Variants in C1QTNF7 observed in about 807,000 individuals in gnomAD.
The protein encoded by C1QTNF7 is C1q and TNF related 7.
Under a neutral mutation model 19.6 loss-of-function variants are expected in C1QTNF7, and 15 were observed. The observed-to-expected ratio is 0.76, with a 90% CI of 0.51 to 1.18. C1QTNF7 has a LOEUF of 1.18. C1QTNF7 is among the 50% of genes most tolerant of loss of function. C1QTNF7 has a pLI of 0.00. For synonymous variants in C1QTNF7, 142 were observed against 137.5 expected, an observed-to-expected ratio of 1.03 and a Z score of -0.23; for missense variants, 324 against 359.7, an observed-to-expected ratio of 0.90 and a Z score of 0.80.
At chr4:15,349,138 T>C (rs1341585005) in intron 1 of C1QTNF7, among the ~76,000 whole-genome samples, 1 of 152,192 alleles carries the variant, frequency 6.6e-6, no homozygotes, top group African/African-American at 2.4e-5. Flanking sequence ...ACACAGGACT[T>C]GAGGAGGAAA....
At chr4:15,439,182 A>T (rs1430491144) in intron 2 of C1QTNF7, among the ~76,000 whole-genome samples, 2 of 152,354 alleles carry the variant, frequency 1.3e-5, no homozygotes, top group African/African-American at 4.8e-5. Context: ...GAACCTAAGC[A>T]TGTGAGCAAA....
intron 1 of C1QTNF7, among the ~76,000 whole-genome samples, chr4:15,354,850 G>A (rs1005400724): frequency 1.3e-5 from 2 of 152,048 alleles, no homozygotes; most frequent in African/African-American, 4.8e-5. Flanking sequence ...CAACAGAATG[G>A]GAAGGGTTCA....
chr4:15,340,186 A>G (rs1577222215), exon 1 of C1QTNF7: 1 of 1,551,666 alleles, frequency 6.4e-7, no homozygotes, highest in Middle Eastern at 1.7e-4. Flanking sequence ...GGAAAGTTTG[A>G]TATCAGCAAT....
At chr4:15,378,751 A>C (rs1718036584) in intron 1 of C1QTNF7, among the ~76,000 whole-genome samples, 1 of 152,158 alleles carries the variant, frequency 6.6e-6, no homozygotes, top group Non-Finnish European at 1.5e-5. Context: ...AAGTCAGTCA[A>C]TCCAACACTC....
intron 1 of C1QTNF7, among the ~76,000 whole-genome samples, chr4:15,340,506 G>T (rs1716501628): frequency 6.6e-6 from 1 of 152,082 alleles, no homozygotes; most frequent in South Asian, 2.1e-4. Flanking sequence ...CTTAGCATTT[G>T]TCAGTGTGGT....
At chr4:15,341,827 T>G (rs1043136196) in intron 1 of C1QTNF7, among the ~76,000 whole-genome samples, 1 of 152,154 alleles carries the variant, frequency 6.6e-6, no homozygotes, top group Non-Finnish European at 1.5e-5. Context: ...GGCCAGCGTT[T>G]GCATGGCGCC....
intron 1 of C1QTNF7, among the ~76,000 whole-genome samples, chr4:15,399,697 T>C (rs958680364): frequency 2.0e-5 from 3 of 152,206 alleles, no homozygotes; most frequent in Non-Finnish European, 4.4e-5. Context: ...AATTTGACTA[T>C]CACCTCCTTA....
chr4:15,396,838 T>C (rs144279091), intron 1 of C1QTNF7, among the ~76,000 whole-genome samples: 1 of 152,212 alleles, frequency 6.6e-6, no homozygotes, highest in East Asian at 1.9e-4. Context: ...TTTCCTGTAG[T>C]TCCAGAGAAA....
chr4:15,341,968 G>T (rs992720931), intron 1 of C1QTNF7, among the ~76,000 whole-genome samples: 6 of 152,232 alleles, frequency 3.9e-5, no homozygotes, highest in African/African-American at 1.4e-4. Context: ...AGTCAGGCCC[G>T]CCAGGCCCCA....
intron 1 of C1QTNF7, among the ~76,000 whole-genome samples, chr4:15,343,229 G>T (rs980411977): frequency 2.0e-5 from 3 of 152,182 alleles, no homozygotes; most frequent in African/African-American, 7.2e-5. Flanking sequence ...CACTTTTTCT[G>T]AAGTATCACA....
intron 1 of C1QTNF7, among the ~76,000 whole-genome samples, chr4:15,384,371 A>G (rs1173560151): frequency 6.6e-6 from 1 of 152,214 alleles, no homozygotes; most frequent in Non-Finnish European, 1.5e-5. Context: ...GACACCATGC[A>G]TATATTTTGC....
At chr4:15,430,150 G>A (rs1400274270) in intron 1 of C1QTNF7, among the ~76,000 whole-genome samples, 3 of 152,106 alleles carry the variant, frequency 2.0e-5, no homozygotes, top group African/African-American at 7.2e-5. Flanking sequence ...TGAACATGGA[G>A]CCTCTTGAAT....
intron 1 of C1QTNF7, among the ~76,000 whole-genome samples, chr4:15,432,818 G>A (rs1712375143): frequency 1.3e-5 from 2 of 152,212 alleles, no homozygotes; most frequent in Non-Finnish European, 2.9e-5. Context: ...TTCCGCACTT[G>A]TCATAAAAGC....
chr4:15,397,438 A>G (rs1345436741), intron 1 of C1QTNF7, among the ~76,000 whole-genome samples: 23 of 152,120 alleles, frequency 1.5e-4, no homozygotes, highest in Admixed American at 1.5e-3. Flanking sequence ...GTCATCCCCT[A>G]CTCAAATTCA....
chr4:15,432,082 T>C (rs1450564310), intron 1 of C1QTNF7, among the ~76,000 whole-genome samples: 1 of 152,152 alleles, frequency 6.6e-6, no homozygotes, highest in Non-Finnish European at 1.5e-5. Flanking sequence ...AAGAGACACG[T>C]GAGACCCTAA....
At chr4:15,413,424 C>T (rs531842091) in intron 1 of C1QTNF7, among the ~76,000 whole-genome samples, 2 of 152,156 alleles carry the variant, frequency 1.3e-5, no homozygotes, top group African/African-American at 4.8e-5. Flanking sequence ...TAAACCCAAC[C>T]ACTTGCAACA....
At chr4:15,343,415 G>A (rs1716614840) in intron 1 of C1QTNF7, among the ~76,000 whole-genome samples, 1 of 151,888 alleles carries the variant, frequency 6.6e-6, no homozygotes, top group Non-Finnish European at 1.5e-5. Context: ...CAACAATTGG[G>A]ATTCTCATCT....
intron 1 of C1QTNF7, among the ~76,000 whole-genome samples, chr4:15,368,788 T>A (rs942490802): frequency 3.3e-5 from 5 of 152,252 alleles, no homozygotes; most frequent in African/African-American, 7.2e-5. Flanking sequence ...TGATTTATAA[T>A]CCTTTGGGTA....
chr4:15,375,146 A>G lies in C1QTNF7; in HGVS notation c.13+34939A>G, dbSNP rs142080823. ...CCCTACTCTGAAAAACAGAATTGTC[A>G]TCGTGTCCATTCCTACATAATTCAC... is the stretch of plus-strand genomic sequence containing the variant. On this transcript the variant is annotated intron_variant, in intron 1 of 2. Transcript: ENST00000295297. Among the ~76,000 whole-genome samples, 163 of 152,124 alleles carry G rather than the reference A, an allele frequency of 1.1e-3. 1 individual carries two copies. The highest frequency in any genetic ancestry group is 0.01 in the Admixed American group (154 of 15,288).
Sources: allele counts gnomAD v4.1 joint callset (sites outside exome capture counted in the v4.1 genomes callset), GRCh38; gene constraint gnomAD v4.1.1; transcripts MANE v1.5; gene names NCBI Gene and HGNC (gene_info 2026-07-23, HGNC 2026-07-21).